Variants in DNM2 observed in about 807,000 individuals in gnomAD.
DNM2 encodes dynamin-2.
A neutral mutation model predicts 99.0 loss-of-function variants in DNM2; 15 were observed. The observed-to-expected ratio is 0.15, with a 90% CI of 0.10 to 0.23. The LOEUF is 0.23. Ranked by LOEUF, DNM2 falls within the 10% of genes least tolerant of loss-of-function variation. The probability of loss-of-function intolerance (pLI) is 1.00; values close to 1 mark genes in which losing one functional copy is unlikely to be tolerated. For synonymous variants in DNM2, 525 were observed against 481.2 expected (o/e 1.09, Z -1.19); for missense variants, 742 against 1,189.4 (o/e 0.62, Z 5.53).
Position 10,827,221 on chromosome 19 carries a change from C to T in DNM2, c.2059-1815C>T, listed in dbSNP as rs528146047. 2.6e-4 allele frequency among the ~76,000 whole-genome samples: 39 copies of T among 152,232 alleles called. No individual in the cohort carries two copies. In the South Asian group the frequency reaches 6.6e-3, roughly 26 times the overall value. ...ATACCGATAGGATCGGAGACATATA[C>T]GGTTCTTCTGCTATGAAATTTAAAA... On this transcript the variant is annotated intron_variant, in intron 18 of 20. Coordinates refer to ENST00000389253, the MANE Select transcript of DNM2 (RefSeq NM_001005361.3).
chr19:10,777,702 C>G (rs1406274906), intron 5 of DNM2, among the ~76,000 whole-genome samples: 1 of 152,132 alleles, frequency 6.6e-6, no homozygotes, highest in Non-Finnish European at 1.5e-5. Context: ...TCAACTGATT[C>G]TCCTGCCCCA....
chr19:10,812,101 A>G lies in DNM2; in HGVS notation c.1558-163A>G. On this transcript the variant is annotated intron_variant, in intron 14 of 20. Transcript: ENST00000389253. The surrounding 1 kb of genome is among the most constrained non-coding windows in gnomAD (Gnocchi z 4.0). ...GCGCCTCATGTTGGTTTCCTGCTGG[A>G]AATGCTTGGGACAGGGTGGAACTGG... is the stretch of plus-strand genomic sequence containing the variant. 1.6e-6 allele frequency: 1 copy of G among 612,514 alleles called. No homozygotes were observed. Among genetic ancestry groups the G allele is most frequent in the Non-Finnish European group, 3.0e-6 (1 of 334,296 alleles). The allele number at this position is 612,514 out of a possible 1,614,324, so 37.9% of individuals were successfully genotyped here.
In DNM2 at chr19:10,718,228, G is replaced by C; in HGVS notation, c.-15G>C. 6.8e-7 allele frequency: 1 copy of C among 1,464,284 alleles called. No homozygotes were observed. Among genetic ancestry groups the C allele is most frequent in the East Asian group, 3.1e-5 (1 of 32,524 alleles). 90.7% of individuals were successfully genotyped at this position (1,464,284 alleles called of 1,614,324 possible). ...CGAGGAGCGCAGGGCGCTCGGGCCG[G>C]GGGCCGCCGGCGCCATGGGCAACCG... On this transcript the variant is annotated 5_prime_UTR_variant, in exon 1 of 21. Transcript: ENST00000389253.
intron 1 of DNM2, among the ~76,000 whole-genome samples, chr19:10,743,205 C>T (rs2069824502): frequency 6.6e-6 from 1 of 151,970 alleles, no homozygotes; most frequent in South Asian, 2.1e-4. Flanking sequence ...CACGCCCGGC[C>T]GTGATGCCAG....
At chr19:10,808,165 GAA>G (rs1417995762) in intron 13 of DNM2, among the ~76,000 whole-genome samples, 1 of 151,154 alleles carries the variant, frequency 6.6e-6, no homozygotes, top group Non-Finnish European at 1.5e-5. Context: ...AAGAAAGAAA[GAA>G]AAGGAAACCA....
In DNM2 at chr19:10,777,230, G is replaced by T. The variant is rs367743010; in HGVS notation, c.688+14G>T. ...CGTTGAGAAGAGGTGTGGCTTTGGGGGTGCTGGGGAAGCAGGAGGATGGGT... is the reference window on the plus strand; with the variant it reads ...CGTTGAGAAGAGGTGTGGCTTTGGGTGTGCTGGGGAAGCAGGAGGATGGGT... On this transcript the variant is annotated intron_variant, in intron 5 of 20. Coordinates refer to ENST00000389253, the MANE Select transcript of DNM2 (RefSeq NM_001005361.3). 4.3e-6 allele frequency: 7 copies of T among 1,613,780 alleles called. No individual in the cohort carries two copies. Among genetic ancestry groups the T allele is most frequent in the Non-Finnish European group, 5.9e-6 (7 of 1,179,766 alleles).
intron 1 of DNM2, among the ~76,000 whole-genome samples, chr19:10,754,685 G>C (rs991684177): frequency 3.3e-5 from 5 of 152,102 alleles, no homozygotes; most frequent in Non-Finnish European, 5.9e-5. Context: ...AGTCTCCTGG[G>C]CTCAAGTAAT....
At chr19:10,742,517 G>A (rs1037301212) in intron 1 of DNM2, among the ~76,000 whole-genome samples, 1 of 152,208 alleles carries the variant, frequency 6.6e-6, no homozygotes, top group Non-Finnish European at 1.5e-5. Flanking sequence ...GGAAGTGGCA[G>A]CCTTCATTCA....
At position 10,728,698 on chromosome 19, in the gene DNM2, A is replaced by T. The variant is rs151172350; in HGVS notation, c.161+10295A>T. 3.0e-3 allele frequency among the ~76,000 whole-genome samples: 453 copies of T among 152,332 alleles called. 1 individual carries two copies. Among genetic ancestry groups the T allele is most frequent in the African/African-American group, 0.01 (419 of 41,572 alleles). On this transcript the variant is annotated intron_variant, in intron 1 of 20. Coordinates refer to ENST00000389253, the MANE Select transcript of DNM2 (RefSeq NM_001005361.3). ...CACAGGGGCTCACACCTGTAATCCC[A>T]GCACTTTGAGAGGCCAAGGCGGGCA...
intron 1 of DNM2, among the ~76,000 whole-genome samples, chr19:10,720,216 A>ATTTTTT: frequency 7.1e-6 from 1 of 140,726 alleles, no homozygotes; most frequent in African/African-American, 2.6e-5. Flanking sequence ...TTATTTATTT[A>ATTTTTT]TTTTTTTTTT....
At chr19:10,800,484 G>A (rs2072096763) in intron 11 of DNM2, among the ~76,000 whole-genome samples, 1 of 152,204 alleles carries the variant, frequency 6.6e-6, no homozygotes, top group Non-Finnish European at 1.5e-5. Flanking sequence ...AGCCCCTGGT[G>A]CCCACCTGCC....
chr19:10,823,639 C>T (rs572202944), intron 16 of DNM2, 149 bp from the exon 17 acceptor site: 20 of 704,896 alleles, frequency 2.8e-5, no homozygotes, highest in East Asian at 1.1e-4. Context: ...GCGTCACTCA[C>T]GGTGACCCCT....
chr19:10,793,975 G>A (rs2071840281), intron 8 of DNM2, 120 bp downstream of exon 8: 1 of 1,530,088 alleles, frequency 6.5e-7, no homozygotes, highest in African/African-American at 1.4e-5. Context: ...CTGAACTTGT[G>A]GTGGGCAGGG....
rs1021091089 is a variant in DNM2 at position 10,831,377 on chromosome 19, T to G, written c.*330T>G. On this transcript the variant is annotated 3_prime_UTR_variant, in exon 21 of 21. Transcript: ENST00000389253. This position sits in a 1 kb window ranked among gnomAD's most constrained non-coding sequence, Gnocchi z 4.3. ...TGGGGGGGACTCTACCAAGGTCTTC[T>G]TGGGCTGGGAAAGCCCATGTAGGGC... 3.6e-6 allele frequency: 4 copies of G among 1,098,060 alleles called. No individual in the cohort carries two copies. Among genetic ancestry groups the G allele is most frequent in the East Asian group, 1.1e-4 (2 of 17,640 alleles). The allele number at this position is 1,098,060 out of a possible 1,614,324, so 68.0% of individuals were successfully genotyped here.
In DNM2 at chr19:10,718,215, G is replaced by A. The variant is rs2068816580; in HGVS notation, c.-28G>A. 1 of 1,447,482 alleles carries A rather than the reference G, an allele frequency of 6.9e-7. No individual in the cohort carries two copies. Among genetic ancestry groups the A allele is most frequent in the Non-Finnish European group, 9.1e-7 (1 of 1,096,768 alleles). 89.7% of individuals were successfully genotyped at this position (1,447,482 alleles called of 1,614,324 possible). On this transcript the variant is annotated 5_prime_UTR_variant, in exon 1 of 21. Transcript: ENST00000389253. Reference sequence around the variant, plus strand: ...GGTCGGCGGCGGGCGAGGAGCGCAGGGCGCTCGGGCCGGGGGCCGCCGGCG... The same window carrying A: ...GGTCGGCGGCGGGCGAGGAGCGCAGAGCGCTCGGGCCGGGGGCCGCCGGCG...
intron 15 of DNM2, among the ~76,000 whole-genome samples, chr19:10,819,311 G>A (rs1262098565): frequency 6.6e-6 from 1 of 152,110 alleles, no homozygotes; most frequent in Non-Finnish European, 1.5e-5. Context: ...CCTGGCCCAG[G>A]ACCTATCCAG....
Position 10,786,559 on chromosome 19 carries a change from T to C in DNM2, c.850-5T>C, listed in dbSNP as rs2071566870. 6.2e-7 allele frequency: 1 copy of C among 1,613,974 alleles called. No homozygotes were observed. Among genetic ancestry groups the C allele is most frequent in the Non-Finnish European group, 8.5e-7 (1 of 1,180,020 alleles). Reference sequence around the variant, plus strand: ...CCTTTCTGATCTCTGACCTCTCTCCTGCAGCAACTGACCAACCACATCCGG... The same window carrying C: ...CCTTTCTGATCTCTGACCTCTCTCCCGCAGCAACTGACCAACCACATCCGG... On this transcript the variant is annotated splice_polypyrimidine_tract_variant and splice_region_variant and intron_variant, in intron 6 of 20. Transcript: ENST00000389253.
At chr19:10,757,943 CAAAAAAAAAAA>C (rs762600168) in intron 1 of DNM2, among the ~76,000 whole-genome samples, 1 of 65,420 alleles carries the variant, frequency 1.5e-5, no homozygotes, top group East Asian at 4.2e-4. Flanking sequence ...AGCTCTGTCT[CAAAAAAAAAAA>C]AAAAAAAAAA....
At position 10,798,103 on chromosome 19, in the gene DNM2, A is replaced by G. The variant is rs555767970; in HGVS notation, c.1336-383A>G. On this transcript the variant is annotated intron_variant, in intron 10 of 20. Coordinates refer to ENST00000389253, the MANE Select transcript of DNM2 (RefSeq NM_001005361.3). ...CAGATACCCGCCTTACCATTCTAGA[A>G]CAGACGCTACTCACTCACGCTGGCG... Among the ~76,000 whole-genome samples, 123 of 152,206 alleles carry G rather than the reference A, an allele frequency of 8.1e-4. 2 individuals carry two copies. The highest frequency in any genetic ancestry group is 8.8e-5 in the Non-Finnish European group (6 of 68,010).
Sources: allele counts gnomAD v4.1 joint callset (sites outside exome capture counted in the v4.1 genomes callset), GRCh38; gene constraint gnomAD v4.1.1; non-coding constraint Gnocchi (gnomAD v3.1); transcripts MANE v1.5; gene names NCBI Gene and HGNC (gene_info 2026-07-23, HGNC 2026-07-21).